Variants in ANKS1B observed in about 807,000 individuals in gnomAD.
ANKS1B encodes ankyrin repeat and sterile alpha motif domain-containing protein 1B.
Under a neutral mutation model 148.3 loss-of-function variants are expected in ANKS1B, and 36 were observed. The ratio of observed to expected loss-of-function variants is 0.24; its 90% CI spans 0.19 to 0.32. ANKS1B has a LOEUF of 0.32. Among genes scored for constraint, ANKS1B ranks in the 10% least tolerant of loss-of-function variants. The probability of loss-of-function intolerance (pLI) is 1.00; values close to 1 mark genes in which losing one functional copy is unlikely to be tolerated. For missense variants in ANKS1B, 1,157 were observed against 1,542.6 expected (o/e 0.75, Z 4.19); for synonymous variants, 542 against 560.8 (o/e 0.97, Z 0.47).
intron 11 of ANKS1B, among the ~76,000 whole-genome samples, chr12:99,420,295 G>GTAGA (rs1349062188): frequency 6.6e-6 from 1 of 152,130 alleles, no homozygotes; most frequent in African/African-American, 2.4e-5. Context: ...TTTCCCCAGA[G>GTAGA]TATCTGTAAA....
chr12:99,784,414 C>T (rs2064769155), intron 4 of ANKS1B, among the ~76,000 whole-genome samples: 1 of 152,078 alleles, frequency 6.6e-6, no homozygotes, highest in Non-Finnish European at 1.5e-5. Flanking sequence ...CCTCATGATC[C>T]ACCCGTCTTG....
chr12:99,015,683 G>A (rs2099942057), intron 17 of ANKS1B, among the ~76,000 whole-genome samples: 2 of 152,062 alleles, frequency 1.3e-5, no homozygotes, highest in Admixed American at 1.3e-4. Context: ...TGGCTAACAC[G>A]ATGAAACACC....
intron 15 of ANKS1B, among the ~76,000 whole-genome samples, chr12:99,140,398 A>T (rs2070262108): frequency 6.6e-6 from 1 of 152,212 alleles, no homozygotes; most frequent in African/African-American, 2.4e-5. Context: ...GGAATAATTC[A>T]TGTAAGCTTT....
intron 17 of ANKS1B, among the ~76,000 whole-genome samples, chr12:99,000,567 C>T (rs1440285280): frequency 6.6e-6 from 1 of 152,028 alleles, no homozygotes; most frequent in Non-Finnish European, 1.5e-5. Flanking sequence ...CCGTGCTCGG[C>T]CAGGGCCTTC....
At chr12:99,341,447 T>G (rs1469985528) in intron 12 of ANKS1B, among the ~76,000 whole-genome samples, 1 of 152,116 alleles carries the variant, frequency 6.6e-6, no homozygotes, top group African/African-American at 2.4e-5. Flanking sequence ...TACCAGTACC[T>G]ACACCTAGAT....
chr12:99,528,681 GATCA>G (rs1274057841), intron 9 of ANKS1B, among the ~76,000 whole-genome samples: 8 of 152,214 alleles, frequency 5.3e-5, no homozygotes, highest in South Asian at 4.2e-4. Context: ...AAGCCTAAGT[GATCA>G]ATCAATGTAG....
intron 17 of ANKS1B, among the ~76,000 whole-genome samples, chr12:98,999,886 CCA>C (rs1270770051): frequency 6.6e-6 from 1 of 152,138 alleles, no homozygotes; most frequent in African/African-American, 2.4e-5. Context: ...TTCTCTTCTC[CCA>C]CAGTGTGAAG....
At chr12:99,324,334 T>C (rs1489364567) in intron 12 of ANKS1B, among the ~76,000 whole-genome samples, 5 of 152,106 alleles carry the variant, frequency 3.3e-5, no homozygotes, top group African/African-American at 9.7e-5. Context: ...AAGTTAAGGC[T>C]TTATAAAAAG....
intron 12 of ANKS1B, among the ~76,000 whole-genome samples, chr12:99,352,769 A>G: frequency 6.6e-6 from 1 of 152,110 alleles, no homozygotes; most frequent in East Asian, 1.9e-4. Flanking sequence ...ACATCCAGAG[A>G]TTGAGTTCTC....
chr12:99,221,801 C>A, intron 14 of ANKS1B, among the ~76,000 whole-genome samples: 1 of 152,082 alleles, frequency 6.6e-6, no homozygotes, highest in East Asian at 1.9e-4. Flanking sequence ...ATCCCTGAAC[C>A]AGCAATTTAA....
rs142564124 is a variant in ANKS1B, at chr12:98,937,981, G to A, written c.2779-105845C>T. ...GAACTCCCTCACGATCACTAGAGCA[G>A]CATGGGGGAAACTGCCCCCATGATC... On this transcript the variant is annotated intron_variant, in intron 17 of 26. Transcript: ENST00000683438. 4.1e-3 allele frequency among the ~76,000 whole-genome samples: 631 copies of A among 152,194 alleles called. 1 individual carries two copies. The highest frequency in any genetic ancestry group is 0.037 in the Middle Eastern group (11 of 294).
At chr12:99,228,199 G>A (rs2086252221) in intron 14 of ANKS1B, among the ~76,000 whole-genome samples, 1 of 152,140 alleles carries the variant, frequency 6.6e-6, no homozygotes, top group African/African-American at 2.4e-5. Context: ...CATACAGTAA[G>A]TTGGTGCAGA....
At chr12:99,179,592 G>A (rs2078871317) in intron 14 of ANKS1B, among the ~76,000 whole-genome samples, 1 of 152,018 alleles carries the variant, frequency 6.6e-6, no homozygotes, top group Admixed American at 6.6e-5. Context: ...AAAAGATGAT[G>A]GTTTAGGGCC....
chr12:98,844,468 G>A lies in ANKS1B; in HGVS notation c.2779-12332C>T, dbSNP rs572948969. Among the ~76,000 whole-genome samples the A allele has an allele frequency of 7.2e-5, 11 of 152,284 alleles. No homozygotes were observed. In the East Asian group the frequency reaches 1.9e-3, roughly 27 times the overall value. ...CCTGGCAACAATCCCTGCATCATCA[G>A]CCACTCTTCAAACTTTGGTGGCCTC... On this transcript the variant is annotated intron_variant, in intron 17 of 26. Coordinates refer to ENST00000683438, the MANE Select transcript of ANKS1B (RefSeq NM_001352186.2).
chr12:98,857,723 A>G (rs1455305166), intron 17 of ANKS1B, among the ~76,000 whole-genome samples: 1 of 152,158 alleles, frequency 6.6e-6, no homozygotes, highest in African/African-American at 2.4e-5. Flanking sequence ...ATATTTCAAG[A>G]ACTATTTATG....
chr12:99,284,703 G>A (rs1014122165), intron 12 of ANKS1B, among the ~76,000 whole-genome samples: 4 of 152,098 alleles, frequency 2.6e-5, no homozygotes, highest in African/African-American at 9.7e-5. Context: ...CGACTAAAAT[G>A]TAAATCAAAT....
intron 15 of ANKS1B, among the ~76,000 whole-genome samples, chr12:99,113,677 T>C (rs1449725290): frequency 6.6e-6 from 1 of 152,208 alleles, no homozygotes; most frequent in Non-Finnish European, 1.5e-5. Context: ...TTTCTCTTCA[T>C]CCAATAGCAT....
chr12:99,868,639 T>C (rs1393605060), intron 1 of ANKS1B, among the ~76,000 whole-genome samples: 1 of 152,048 alleles, frequency 6.6e-6, no homozygotes. Flanking sequence ...TTTCTATATA[T>C]CAGCAGTTAA....
chr12:99,700,513 G>A lies in ANKS1B; in HGVS notation c.1129-45303C>T, dbSNP rs139562564. 2.2e-3 allele frequency among the ~76,000 whole-genome samples: 330 copies of A among 152,290 alleles called. 1 individual carries two copies. The highest frequency in any genetic ancestry group is 5.0e-3 in the African/African-American group (207 of 41,574). ...TGAGGTGCAACAACAAAGCGAGCAC[G>A]AATTTTTTTTCCTTCTTTACAATTT... is the stretch of plus-strand genomic sequence containing the variant. On this transcript the variant is annotated intron_variant, in intron 8 of 26. Transcript: ENST00000683438.
Sources: allele counts gnomAD v4.1 joint callset (sites outside exome capture counted in the v4.1 genomes callset), GRCh38; gene constraint gnomAD v4.1.1; transcripts MANE v1.5; gene names NCBI Gene and HGNC (gene_info 2026-07-23, HGNC 2026-07-21).